RUVBL2: variants seen among roughly 807,000 people sequenced by gnomAD.
RUVBL2 encodes RuvB like AAA ATPase 2, also known as ruvB-like 2.
RUVBL2 carries 9 observed loss-of-function variants against 57.9 expected under a neutral mutation model. The observed-to-expected ratio is 0.16, with a 90% CI of 0.09 to 0.27. RUVBL2 has a LOEUF of 0.27. RUVBL2 is among the 10% of genes least tolerant of loss of function. The pLI, the probability that RUVBL2 is intolerant of heterozygous loss-of-function variation, is 1.00. For synonymous variants in RUVBL2, 278 were observed against 264.6 expected (o/e 1.05, Z -0.49); for missense variants, 456 against 669.6 (o/e 0.68, Z 3.52).
At chr19:49,015,316 G>A (rs1600201798) in intron 13 of RUVBL2, 166 bp downstream of exon 13, 2 of 924,164 alleles carry the variant, frequency 2.2e-6, no homozygotes, top group Non-Finnish European at 3.3e-6. Context: ...CCTATAGTAG[G>A]TATCAGTAAA....
At chr19:49,009,480 C>G (rs1400224285) in intron 6 of RUVBL2, among the ~76,000 whole-genome samples, 1 of 151,888 alleles carries the variant, frequency 6.6e-6, no homozygotes, top group Non-Finnish European at 1.5e-5. Context: ...GAGCAAGACT[C>G]CGTCTCAAAA....
At position 49,006,898 on chromosome 19, in the gene RUVBL2, C is replaced by A. The variant is rs2039291485; in HGVS notation, c.266-120C>A. 8.3e-6 allele frequency: 11 copies of A among 1,331,226 alleles called. No individual in the cohort carries two copies. The South Asian group carries it at 1.4e-4, about 16-fold the overall frequency. 82.5% of individuals were successfully genotyped at this position (1,331,226 alleles called of 1,614,324 possible). A position where few individuals can be genotyped will look rare whatever the true frequency, so the allele number is the denominator to read the frequency against. On this transcript the variant is annotated intron_variant, in intron 4 of 14. Transcript: ENST00000595090. ...TGCTCAGCTCGGAGCCAAGTCCTTA[C>A]ATGTAGGATGGCACTGAACCCTCTT...
At chr19:49,008,717 C>T (rs1197277145) in intron 6 of RUVBL2, among the ~76,000 whole-genome samples, 1 of 151,962 alleles carries the variant, frequency 6.6e-6, no homozygotes, top group African/African-American at 2.4e-5. Context: ...GTGGTTCATG[C>T]CTATAATCCC....
At chr19:49,006,795 A>C (rs1243901721) in intron 4 of RUVBL2, among the ~76,000 whole-genome samples, 1 of 152,192 alleles carries the variant, frequency 6.6e-6, no homozygotes, top group Non-Finnish European at 1.5e-5. Context: ...TGCCGGAGCA[A>C]CCTGCCCTGC....
At chr19:49,010,117 C>A in intron 8 of RUVBL2, 51 bp downstream of exon 8, 1 of 1,479,234 alleles carries the variant, frequency 6.8e-7, no homozygotes, top group Non-Finnish European at 9.3e-7. Flanking sequence ...GGGGTGTTTT[C>A]ATCTCCTCCA....
chr19:49,005,884 CCT>C (rs1568636631), intron 4 of RUVBL2, among the ~76,000 whole-genome samples: 1 of 152,216 alleles, frequency 6.6e-6, no homozygotes, highest in Non-Finnish European at 1.5e-5. Flanking sequence ...GATCCACCCC[CCT>C]GCCTCGGCCT....
At chr19:49,005,801 G>A (rs1270073140) in intron 4 of RUVBL2, among the ~76,000 whole-genome samples, 1 of 152,048 alleles carries the variant, frequency 6.6e-6, no homozygotes. Context: ...ACACCCAACT[G>A]ATTTTTGTAT....
At position 49,007,472 on chromosome 19, in the gene RUVBL2, C is replaced by G. The variant is rs551400939; in HGVS notation, c.462+104C>G. 10 of 1,053,500 alleles carry G rather than the reference C, an allele frequency of 9.5e-6. No individual in the cohort carries two copies. In the East Asian group the frequency reaches 2.4e-4, roughly 26 times the overall value. 65.3% of individuals were successfully genotyped at this position (1,053,500 alleles called of 1,614,324 possible). ...TGAGGTCAGAATCCCATGGAATGTT[C>G]TAGCTGCAGACTAGAGCCATGTACA... On this transcript the variant is annotated intron_variant, in intron 6 of 14. Coordinates refer to ENST00000595090, the MANE Select transcript of RUVBL2 (RefSeq NM_006666.3).
chr19:49,005,267 A>G (rs746589035), intron 4 of RUVBL2, among the ~76,000 whole-genome samples: 2 of 152,242 alleles, frequency 1.3e-5, no homozygotes, highest in Non-Finnish European at 2.9e-5. Context: ...CCAGGTCTTC[A>G]GTGAAGATAA....
chr19:49,007,513 G>T (rs2039305767), intron 6 of RUVBL2, 145 bp downstream of exon 6: 1 of 651,600 alleles, frequency 1.5e-6, no homozygotes, highest in Admixed American at 3.2e-5. Flanking sequence ...ACAGTAGGAG[G>T]TCAGTTAACT....
Position 49,011,225 on chromosome 19 carries a change from A to G in RUVBL2, c.916A>G (p.Ile306Val), listed in dbSNP as rs1348736244. The change falls in exon 11 of 15, where the codon ATC (isoleucine) becomes GTC (valine). Residue 306 changes from isoleucine (I) to valine (V), a missense_variant. Transcript: ENST00000595090. The surrounding 1 kb of genome is among the most constrained non-coding windows in gnomAD (Gnocchi z 4.4). ...CATCGACGAGGTCCACATGCTGGACATCGAGAGCTTCTCCTTCCTCAACCG... is the reference window on the plus strand; with the variant it reads ...CATCGACGAGGTCCACATGCTGGACGTCGAGAGCTTCTCCTTCCTCAACCG... ...LFIDEVHMLD[I>V]ESFSFLNRAL... The G allele has an allele frequency of 5.6e-6, 9 of 1,613,854 alleles. No individual in the cohort carries two copies. Among genetic ancestry groups the G allele is most frequent in the Non-Finnish European group, 6.8e-6 (8 of 1,180,010 alleles).
chr19:49,014,582 C>G lies in RUVBL2; in HGVS notation c.1100C>G (p.Thr367Arg). The G allele has an allele frequency of 1.2e-6, 2 of 1,614,094 alleles. No individual in the cohort carries two copies. The highest frequency in any genetic ancestry group is 1.1e-5 in the South Asian group (1 of 91,090). The change falls in exon 12 of 15, where the codon ACG (threonine) becomes AGG (arginine). Residue 367 changes from threonine (T) to arginine (R), a missense_variant. Around this residue, in one of 5 missense-constraint regions of RUVBL2, gnomAD observed 130 missense variants for 243.0 expected, o/e 0.53. Transcript: ENST00000595090. ...ACCACCCCCTACAGCGAGAAAGACA[C>G]GAAGCAGATCCTCCGCATCCGGTGC... The part of the protein sequence containing the change: ...VSTTPYSEKD[T>R]KQILRIRCEE...
intron 1 of RUVBL2, among the ~76,000 whole-genome samples, chr19:48,999,026 CAA>C (rs369612985): frequency 2.3e-5 from 3 of 128,444 alleles, no homozygotes; most frequent in African/African-American, 2.9e-5. Context: ...GACTTCATCT[CAA>C]AAAAAAAAAA....
Position 49,006,709 on chromosome 19 carries a change from G to A in RUVBL2, c.266-309G>A, listed in dbSNP as rs563808568. Among the ~76,000 whole-genome samples the A allele has an allele frequency of 3.9e-5, 6 of 152,234 alleles. No homozygotes were observed. The East Asian group carries it at 7.7e-4, about 20-fold the overall frequency. On this transcript the variant is annotated intron_variant, in intron 4 of 14. Coordinates refer to ENST00000595090, the MANE Select transcript of RUVBL2 (RefSeq NM_006666.3). ...GTCCAGCTCTGAGGCTAAACAGCTC[G>A]TAGAGGCTGGGAGACTGAGGTGTGG...
chr19:49,003,385 TAGTGGGTACCCAGGGTCCTGGGG>T, intron 3 of RUVBL2, 51 bp downstream of exon 3: 1 of 1,555,898 alleles, frequency 6.4e-7, no homozygotes, highest in Non-Finnish European at 8.9e-7. Context: ...AGGTCTTGGG[TAGTGGGTACCCAGGGTCCTGGGG>T]AGTGTGGGGA....
chr19:49,007,299 T>C lies in RUVBL2; in HGVS notation c.396-3T>C. The C allele has an allele frequency of 6.2e-7, 1 of 1,613,740 alleles. No individual in the cohort carries two copies. Among genetic ancestry groups the C allele is most frequent in the Non-Finnish European group, 8.5e-7 (1 of 1,179,844 alleles). ...TGTCTCCTCAGATCTGCTCTCTGGC[T>C]AGGGAGGAGACGGAGATCATCGAAG... On this transcript the variant is annotated splice_polypyrimidine_tract_variant and splice_region_variant and intron_variant, in intron 5 of 14. Coordinates refer to ENST00000595090, the MANE Select transcript of RUVBL2 (RefSeq NM_006666.3).
Position 49,002,837 on chromosome 19 carries a change from G to A in RUVBL2, c.68-442G>A, listed in dbSNP as rs146037119. Among the ~76,000 whole-genome samples the A allele has an allele frequency of 8.0e-3, 1,208 of 151,922 alleles. 22 individuals carry two copies. The highest frequency in any genetic ancestry group is 0.028 in the African/African-American group (1,154 of 41,466). On this transcript the variant is annotated intron_variant, in intron 2 of 14. Coordinates refer to ENST00000595090, the MANE Select transcript of RUVBL2 (RefSeq NM_006666.3). ...TGACCTCCAGTGATCCGCCCGCCTC[G>A]GCCTCCCAAAGTGCTGGGATTATAG...
At position 48,999,359 on chromosome 19, in the gene RUVBL2, G is replaced by A. The variant is rs746910001; in HGVS notation, c.53G>A (p.Arg18Lys). ...TKVPEIRDVTRIERIGAHSHI... is the reference protein window; with the variant it reads ...TKVPEIRDVTKIERIGAHSHI... ...GTCCCGGAGATCCGTGATGTAACAA[G>A]GATTGAGCGAATCGGTGAGTGAGTT... Residue 18 changes from arginine to lysine, a missense_variant, in exon 2 of 15, where the codon AGG (arginine) becomes AAG (lysine). By Grantham distance (26) the Arg-to-Lys change is conservative. Transcript: ENST00000595090. The A allele has an allele frequency of 2.5e-6, 4 of 1,614,090 alleles. No individual in the cohort carries two copies. The Admixed American group carries it at 5.0e-5, about 20-fold the overall frequency.
chr19:49,009,664 A>G, intron 6 of RUVBL2, 112 bp from the exon 7 acceptor site: 1 of 881,408 alleles, frequency 1.1e-6, no homozygotes, highest in Non-Finnish European at 1.9e-6. Context: ...GCCCATTTTG[A>G]AGCTGTGGAA....
Sources: allele counts gnomAD v4.1 joint callset (sites outside exome capture counted in the v4.1 genomes callset), GRCh38; gene constraint gnomAD v4.1.1; regional missense constraint gnomAD v4.1.1; non-coding constraint Gnocchi (gnomAD v3.1); transcripts MANE v1.5; gene names NCBI Gene and HGNC (gene_info 2026-07-23, HGNC 2026-07-21).